GXYLT1: variants seen among roughly 807,000 people sequenced by gnomAD.
GXYLT1 encodes the protein glycosyltransferase 8 domain containing 3.
A neutral mutation model predicts 54.0 loss-of-function variants in GXYLT1; 29 were observed. The ratio of observed to expected loss-of-function variants is 0.54; its 90% confidence interval spans 0.40 to 0.73. The LOEUF (loss-of-function observed/expected upper bound fraction) is 0.73, where lower values mean the gene tolerates loss of function less well. GXYLT1 is among the 30% of genes least tolerant of loss of function. The pLI, the probability that GXYLT1 is intolerant of heterozygous loss-of-function variation, is 0.00. For synonymous variants in GXYLT1, 176 were observed against 204.1 expected, an observed-to-expected ratio of 0.86 and a Z score of 1.17; for missense variants, 490 against 553.4, an observed-to-expected ratio of 0.89 and a Z score of 1.15.
chr12:42,129,333 A>T (rs915180479), intron 2 of GXYLT1, among the ~76,000 whole-genome samples: 2 of 152,224 alleles, frequency 1.3e-5, no homozygotes, highest in Non-Finnish European at 2.9e-5. Context: ...TCCTATTCCC[A>T]GTATTCAATC....
At chr12:42,096,755 G>A (rs1181851956) in intron 7 of GXYLT1, among the ~76,000 whole-genome samples, 1 of 152,112 alleles carries the variant, frequency 6.6e-6, no homozygotes, top group Non-Finnish European at 1.5e-5. Flanking sequence ...TCTTCCCATA[G>A]GCTGCTTATA....
At chr12:42,098,282 T>C (rs1002959495) in intron 5 of GXYLT1, among the ~76,000 whole-genome samples, 2 of 152,192 alleles carry the variant, frequency 1.3e-5, no homozygotes, top group Non-Finnish European at 2.9e-5. Context: ...CGAAAGTAAC[T>C]GTGTCCTTAT....
intron 1 of GXYLT1, among the ~76,000 whole-genome samples, chr12:42,140,821 C>G (rs1437570518): frequency 2.0e-5 from 3 of 152,186 alleles, no homozygotes; most frequent in African/African-American, 7.2e-5. Context: ...TCCCCACTAC[C>G]AATACTGCTG....
intron 3 of GXYLT1, among the ~76,000 whole-genome samples, chr12:42,112,687 A>G (rs576711280): frequency 3.3e-5 from 5 of 152,274 alleles, no homozygotes; most frequent in African/African-American, 7.2e-5. Context: ...AAAGTGACGG[A>G]GAGAATGGAA....
In GXYLT1 at chr12:42,144,689, C is replaced by T. The variant is rs1023191636; in HGVS notation, c.-43G>A. The T allele has an allele frequency of 4.9e-5, 67 of 1,365,760 alleles. No homozygotes were observed. The highest frequency in any genetic ancestry group is 6.1e-5 in the Non-Finnish European group (64 of 1,047,688). 84.6% of individuals were successfully genotyped at this position (1,365,760 alleles called of 1,614,324 possible). A position where few individuals can be genotyped will look rare whatever the true frequency, so the allele number is the denominator to read the frequency against. On this transcript the variant is annotated 5_prime_UTR_variant, in exon 1 of 8. Transcript: ENST00000398675. ...TCCTTCGCCGCCGCCGCCGCGCCCG[C>T]CCCGACGAACTGGAGCGGAGGGAGG...
intron 7 of GXYLT1, among the ~76,000 whole-genome samples, chr12:42,095,972 G>A (rs2065353504): frequency 1.3e-5 from 2 of 152,172 alleles, no homozygotes; most frequent in South Asian, 4.1e-4. Context: ...TGGGGGTGGA[G>A]ACAATGGTAT....
chr12:42,117,354 A>G (rs1483794969), intron 3 of GXYLT1, among the ~76,000 whole-genome samples: 2 of 152,138 alleles, frequency 1.3e-5, no homozygotes, highest in Non-Finnish European at 2.9e-5. Flanking sequence ...ACAGATACTA[A>G]AAATATTTTT....
At position 42,094,436 on chromosome 12, in the gene GXYLT1, C is replaced by A. The variant is rs1423496285; in HGVS notation, c.1161+3006G>T. On this transcript the variant is annotated intron_variant, in intron 7 of 7. Transcript: ENST00000398675. Reference sequence around the variant, plus strand: ...CACTATGGAGGCTGACGGTGGCAGACTGCTTCAGCTCGGTAATTCAAGACC... The same window carrying A: ...CACTATGGAGGCTGACGGTGGCAGAATGCTTCAGCTCGGTAATTCAAGACC... Among the ~76,000 whole-genome samples, 3 of 150,504 alleles carry A rather than the reference C, an allele frequency of 2.0e-5. No homozygotes were observed. In the East Asian group the frequency reaches 5.9e-4, roughly 30 times the overall value.
chr12:42,135,935 G>C (rs2065617217), intron 1 of GXYLT1, among the ~76,000 whole-genome samples: 2 of 152,138 alleles, frequency 1.3e-5, no homozygotes, highest in African/African-American at 4.8e-5. Context: ...ATAATTCAAT[G>C]TCAAAAAACA....
At position 42,136,785 on chromosome 12, in the gene GXYLT1, T is replaced by TACATACATACAA. The variant is rs1375275820; in HGVS notation, c.222-6935_222-6934insTTGTATGTATGT. On this transcript the variant is annotated intron_variant, in intron 1 of 7. Coordinates refer to ENST00000398675, the MANE Select transcript of GXYLT1 (RefSeq NM_173601.2). ...ATACATACATACATACATACATACA[T>TACATACATACAA]ACAAACAAACACACACACACACAAG... Among the ~76,000 whole-genome samples, 354 of 151,428 alleles carry TACATACATACAA rather than the reference T, an allele frequency of 2.3e-3. 2 individuals are homozygous for TACATACATACAA. The highest frequency in any genetic ancestry group is 3.5e-3 in the Non-Finnish European group (237 of 67,856).
intron 2 of GXYLT1, among the ~76,000 whole-genome samples, chr12:42,125,757 G>C (rs949356424): frequency 6.6e-6 from 1 of 152,212 alleles, no homozygotes; most frequent in African/African-American, 2.4e-5. Context: ...GCTCATGCCT[G>C]TAATCCCAGC....
rs114055340 is a variant in GXYLT1 at position 42,096,464 on chromosome 12, A to G, written c.1161+978T>C. Among the ~76,000 whole-genome samples, 1,219 of 152,300 alleles carry G rather than the reference A, an allele frequency of 8.0e-3. 13 individuals carry two copies. The highest frequency in any genetic ancestry group is 0.027 in the African/African-American group (1,129 of 41,566). Reference sequence around the variant, plus strand: ...CCTGGAACAACTTTAGCATTAACATAATTAGAAGGAAAAATGAATTATAAA... The same window carrying G: ...CCTGGAACAACTTTAGCATTAACATGATTAGAAGGAAAAATGAATTATAAA... On this transcript the variant is annotated intron_variant, in intron 7 of 7. Transcript: ENST00000398675.
chr12:42,136,956 T>C (rs2065623274), intron 1 of GXYLT1, among the ~76,000 whole-genome samples: 1 of 151,978 alleles, frequency 6.6e-6, no homozygotes, highest in South Asian at 2.1e-4. Flanking sequence ...TGTATTTTTG[T>C]TGTTGTTGAG....
At chr12:42,123,928 C>A (rs2065545826) in intron 2 of GXYLT1, among the ~76,000 whole-genome samples, 1 of 148,156 alleles carries the variant, frequency 6.7e-6, no homozygotes. Flanking sequence ...TTGTTCCCAG[C>A]AACACATAAT....
At chr12:42,088,794 T>C (rs1270608332) in intron 7 of GXYLT1, among the ~76,000 whole-genome samples, 2 of 149,530 alleles carry the variant, frequency 1.3e-5, no homozygotes, top group Non-Finnish European at 3.0e-5. Flanking sequence ...TTGAAGTTGG[T>C]GAAAAATGCA....
intron 2 of GXYLT1, among the ~76,000 whole-genome samples, chr12:42,122,192 G>A (rs150172425): frequency 1.3e-5 from 2 of 152,294 alleles, no homozygotes; most frequent in Non-Finnish European, 2.9e-5. Context: ...GAAGAAATTC[G>A]TCAGATGATT....
intron 1 of GXYLT1, among the ~76,000 whole-genome samples, chr12:42,143,801 AAC>A (rs768954367): frequency 1.3e-5 from 2 of 152,218 alleles, no homozygotes; most frequent in Non-Finnish European, 2.9e-5. Flanking sequence ...CCCATCCAAC[AAC>A]AGACTTGAGC....
chr12:42,141,397 A>G (rs1430935742), intron 1 of GXYLT1, among the ~76,000 whole-genome samples: 3 of 152,190 alleles, frequency 2.0e-5, no homozygotes, highest in Non-Finnish European at 4.4e-5. Context: ...TTTGCTTGAG[A>G]TAGTTTTACT....
Position 42,082,139 on chromosome 12 carries a change from G to A in GXYLT1, c.*5647C>T, listed in dbSNP as rs2136860148. 6.6e-6 allele frequency: 1 copy of A among 152,302 alleles called. No individual in the cohort carries two copies. Among genetic ancestry groups the A allele is most frequent in the Admixed American group, 6.5e-5 (1 of 15,298 alleles). The allele number at this position is 152,302 out of a possible 1,614,324, so 9.4% of individuals were successfully genotyped here. Reference sequence around the variant, plus strand: ...ACAATGATGCCTTCCTGCAGGTTTAGAACTATTACTACTCAAAATATTAAT... The same window carrying A: ...ACAATGATGCCTTCCTGCAGGTTTAAAACTATTACTACTCAAAATATTAAT... On this transcript the variant is annotated 3_prime_UTR_variant, in exon 8 of 8. Transcript: ENST00000398675.
Sources: gnomAD v4.1 joint callset for allele counts (sites outside exome capture counted in the v4.1 genomes callset) on GRCh38, gnomAD v4.1.1 for gene constraint, MANE v1.5 for transcripts, NCBI Gene and HGNC (gene_info 2026-07-23, HGNC 2026-07-21) for gene names.